The following ZNF83 variants were observed in gnomAD, a reference collection of about 807,000 sequenced individuals.
ZNF83 encodes the protein zinc finger protein 816B.
For synonymous variants in ZNF83, 209 were observed against 213.0 expected (o/e 0.98, Z 0.17); for missense variants, 552 against 629.9 (o/e 0.88, Z 1.32).
intron 2 of ZNF83, among the ~76,000 whole-genome samples, chr19:52,626,744 C>T (rs912378097): frequency 4.6e-5 from 7 of 152,096 alleles, no homozygotes; most frequent in Non-Finnish European, 1.0e-4. Flanking sequence ...ATAAAATTTT[C>T]CTTAAGGTGT....
At chr19:52,667,879 G>C (rs2147300829) in intron 1 of ZNF83, among the ~76,000 whole-genome samples, 1 of 152,276 alleles carries the variant, frequency 6.6e-6, no homozygotes, top group African/African-American at 2.4e-5. Context: ...ATATAAAGGT[G>C]AAATGTAGCT....
chr19:52,686,975 A>G (rs1432751170), intron 1 of ZNF83, among the ~76,000 whole-genome samples: 1 of 151,932 alleles, frequency 6.6e-6, no homozygotes, highest in Admixed American at 6.6e-5. Context: ...TGAGGTCAGG[A>G]GTTTGAGACC....
rs746243529 is a variant in ZNF83 at position 52,614,290 on chromosome 19, TG to T, written c.274del (p.His92ThrfsTer22). On this transcript the variant is annotated frameshift_variant, in exon 3 of 3. Transcript: ENST00000301096. Reference sequence around the variant, plus strand: ...CTTGCCACGCTCACTACATTTGTAGTGTTCTGTCCCAATATTTGCTTTCTCT... The same window carrying T: ...CTTGCCACGCTCACTACATTTGTAGTTTCTGTCCCAATATTTGCTTTCTCT... 1.6e-5 allele frequency: 26 copies of T among 1,613,936 alleles called. No individual in the cohort carries two copies. In the Admixed American group the frequency reaches 4.3e-4, roughly 27 times the overall value.
intron 1 of ZNF83, among the ~76,000 whole-genome samples, chr19:52,682,216 A>T (rs1051276757): frequency 3.1e-5 from 4 of 128,094 alleles, no homozygotes; most frequent in African/African-American, 1.7e-4. Flanking sequence ...TTAAAATTAT[A>T]AAAAAAAAAC....
chr19:52,619,006 G>A (rs1349123380), intron 2 of ZNF83: 4 of 1,602,374 alleles, frequency 2.5e-6, no homozygotes, highest in Non-Finnish European at 3.4e-6. Context: ...CAGGGTCCAG[G>A]CATTTCCACT....
At chr19:52,636,250 G>A (rs2061143813) in intron 1 of ZNF83, 1 of 152,152 alleles carries the variant, frequency 6.6e-6, no homozygotes, top group Admixed American at 6.5e-5. Context: ...AGGAGGACCA[G>A]GCTGCAGTTA....
exon 3 of ZNF83, chr19:52,614,777 T>A (rs181027741): frequency 7.2e-5 from 93 of 1,285,848 alleles, no homozygotes; most frequent in Non-Finnish European, 6.2e-5. Flanking sequence ...AATTCCTTGA[T>A]CTCACATTTA....
At chr19:52,647,953 CTGT>C (rs934714935) in intron 3 of ZNF83, among the ~76,000 whole-genome samples, 3 of 151,582 alleles carry the variant, frequency 2.0e-5, no homozygotes, top group Non-Finnish European at 2.9e-5. Context: ...GTGTTCCCTG[CTGT>C]TGTTCTTCCT....
At chr19:52,685,653 T>C (rs939554542) in intron 1 of ZNF83, among the ~76,000 whole-genome samples, 6 of 151,816 alleles carry the variant, frequency 4.0e-5, no homozygotes, top group African/African-American at 1.5e-4. Flanking sequence ...TCCCAGCACA[T>C]TGGGAGGTCG....
chr19:52,678,473 A>G (rs1400638239), intron 1 of ZNF83, among the ~76,000 whole-genome samples: 1 of 149,232 alleles, frequency 6.7e-6, no homozygotes, highest in Non-Finnish European at 1.5e-5. Context: ...AAGAAAAAAG[A>G]AAAAAAAACT....
chr19:52,625,076 G>A (rs1206491397), intron 2 of ZNF83, among the ~76,000 whole-genome samples: 3 of 151,278 alleles, frequency 2.0e-5, no homozygotes, highest in Non-Finnish European at 4.4e-5. Flanking sequence ...ATCACATTTG[G>A]TTTATTGATG....
chr19:52,641,853 T>C (rs1349207947), upstream of ZNF83, among the ~76,000 whole-genome samples: 1 of 152,170 alleles, frequency 6.6e-6, no homozygotes, highest in Admixed American at 6.5e-5. Context: ...TGGTTTTACA[T>C]ATTTTACAGA....
In ZNF83 at chr19:52,656,166, T is replaced by G. The variant is rs143774813; in HGVS notation, c.-200-479A>C. Among the ~76,000 whole-genome samples, 12 of 152,042 alleles carry G rather than the reference T, an allele frequency of 7.9e-5. No homozygotes were observed. In the East Asian group the frequency reaches 2.3e-3, roughly 30 times the overall value. On this transcript the variant is annotated intron_variant, in intron 2 of 5. Transcript: ENST00000594682. Reference sequence around the variant, plus strand: ...AGGCAAAGGTTGCGGTGAGCTGAGATTGTGCCACTGCAATTCAGCTTGGGC... The same window carrying G: ...AGGCAAAGGTTGCGGTGAGCTGAGAGTGTGCCACTGCAATTCAGCTTGGGC...
chr19:52,628,823 C>G (rs1328014809), intron 2 of ZNF83, among the ~76,000 whole-genome samples: 1 of 151,496 alleles, frequency 6.6e-6, no homozygotes, highest in Non-Finnish European at 1.5e-5. Context: ...TATCTCTGCA[C>G]CCCAATCCCT....
intron 2 of ZNF83, among the ~76,000 whole-genome samples, chr19:52,625,325 GT>G (rs1191560931): frequency 3.3e-5 from 5 of 151,958 alleles, no homozygotes; most frequent in African/African-American, 7.3e-5. Flanking sequence ...GCTGAAAGAG[GT>G]TTCCCCCCTA....
chr19:52,645,464 A>C (rs979735196), intron 3 of ZNF83, among the ~76,000 whole-genome samples: 9 of 152,208 alleles, frequency 5.9e-5, no homozygotes, highest in African/African-American at 1.9e-4. Flanking sequence ...GATGCAACAA[A>C]GGCATCTTTC....
chr19:52,687,610 T>TGTGTA lies in ZNF83; in HGVS notation c.-283+2832_-283+2833insTACAC, dbSNP rs1568588943. Among the ~76,000 whole-genome samples, 63 of 30,028 alleles carry TGTGTA rather than the reference T, an allele frequency of 2.1e-3. 22 individuals carry two copies. Among genetic ancestry groups the TGTGTA allele is most frequent in the African/African-American group, 9.1e-3 (22 of 2,410 alleles). The allele number at this position is 30,028 out of a possible 152,430, so 19.7% of individuals were successfully genotyped here. ...TATATATATATAATGTATATATATATAATGTGTATATATATATATAATGTA... is the reference window on the plus strand; with the variant it reads ...TATATATATATAATGTATATATATATGTGTAAATGTGTATATATATATATAATGTA... On this transcript the variant is annotated intron_variant, in intron 1 of 5. Coordinates refer to the ZNF83 transcript ENST00000594682.
intron 1 of ZNF83, chr19:52,636,133 C>CAAAAA (rs34707935): frequency 1.9e-5 from 2 of 105,294 alleles, no homozygotes; most frequent in South Asian, 5.9e-4. Context: ...CTCGTTTCTA[C>CAAAAA]AAAAAAAAAA....
At chr19:52,651,376 T>C (rs893038017) in intron 3 of ZNF83, 2 of 152,184 alleles carry the variant, frequency 1.3e-5, no homozygotes, top group African/African-American at 4.8e-5. Context: ...TTCTCCTAAC[T>C]TGTTTGGCCA....
Sources: gnomAD v4.1 joint callset for allele counts (sites outside exome capture counted in the v4.1 genomes callset) on GRCh38, gnomAD v4.1.1 for gene constraint, MANE v1.5 for transcripts, NCBI Gene and HGNC (gene_info 2026-07-23, HGNC 2026-07-21) for gene names.